ROBO2: variants seen among roughly 807,000 people sequenced by gnomAD.
ROBO2 encodes the protein roundabout homolog 2.
In ROBO2, 53 loss-of-function variants were observed where a neutral mutation model predicts 160.8. The observed-to-expected ratio is 0.33, with a 90% CI of 0.26 to 0.41. The LOEUF (loss-of-function observed/expected upper bound fraction) is 0.41, where lower values mean the gene tolerates loss of function less well. ROBO2 is among the 10% of genes least tolerant of loss of function. The probability of loss-of-function intolerance (pLI) is 1.00; values close to 1 mark genes in which losing one functional copy is unlikely to be tolerated. For missense variants in ROBO2, 1,577 were observed against 1,722.4 expected, an observed-to-expected ratio of 0.92 and a Z score of 1.49; for synonymous variants, 664 against 611.7, an observed-to-expected ratio of 1.09 and a Z score of -1.26.
intron 2 of ROBO2, among the ~76,000 whole-genome samples, chr3:76,720,254 G>C (rs1418745414): frequency 2.6e-5 from 4 of 152,086 alleles, no homozygotes; most frequent in Non-Finnish European, 5.9e-5. Flanking sequence ...CTAGCATCTT[G>C]ATCTTGAATT....
At chr3:76,757,425 T>C (rs1285726936) in intron 2 of ROBO2, among the ~76,000 whole-genome samples, 2 of 151,862 alleles carry the variant, frequency 1.3e-5, no homozygotes, top group African/African-American at 4.8e-5. Flanking sequence ...GCCTCTTCCA[T>C]GTTTGAGTTA....
At chr3:76,048,470 T>C (rs2067524099) in intron 2 of ROBO2, among the ~76,000 whole-genome samples, 1 of 152,340 alleles carries the variant, frequency 6.6e-6, no homozygotes, top group Middle Eastern at 3.4e-3. Context: ...AATGAGTTTG[T>C]ACATAAACTG....
intron 2 of ROBO2, among the ~76,000 whole-genome samples, chr3:76,869,467 A>G (rs866721604): frequency 3.0e-4 from 44 of 145,860 alleles, no homozygotes; most frequent in African/African-American, 1.1e-3. Context: ...CTCCTGCCTC[A>G]GCCTCCCGAG....
intron 2 of ROBO2, among the ~76,000 whole-genome samples, chr3:76,941,592 C>G (rs1182375498): frequency 6.6e-6 from 1 of 152,136 alleles, no homozygotes; most frequent in Non-Finnish European, 1.5e-5. Flanking sequence ...TTATTACGTA[C>G]CAATCATCGG....
chr3:76,334,101 C>G (rs926590371), intron 2 of ROBO2, among the ~76,000 whole-genome samples: 1 of 152,058 alleles, frequency 6.6e-6, no homozygotes, highest in African/African-American at 2.4e-5. Flanking sequence ...TGTAACAAAC[C>G]TGCACGTTGT....
intron 1 of ROBO2, among the ~76,000 whole-genome samples, chr3:77,097,168 C>T (rs1381070911): frequency 1.3e-5 from 2 of 152,158 alleles, no homozygotes; most frequent in Non-Finnish European, 2.9e-5. Flanking sequence ...GTATCAGCTT[C>T]CTTCCTGATT....
intron 2 of ROBO2, among the ~76,000 whole-genome samples, chr3:77,452,693 G>A (rs567521015): frequency 1.3e-5 from 2 of 152,198 alleles, no homozygotes; most frequent in East Asian, 1.9e-4. Flanking sequence ...ACTAGATCCA[G>A]CTTACAAGTG....
At chr3:76,979,938 A>G (rs2060010305) in intron 2 of ROBO2, among the ~76,000 whole-genome samples, 1 of 151,154 alleles carries the variant, frequency 6.6e-6, no homozygotes, top group South Asian at 2.1e-4. Context: ...AAAACCTGAT[A>G]TAGAGACTTG....
chr3:76,232,963 A>T (rs145240333), intron 2 of ROBO2, among the ~76,000 whole-genome samples: 1 of 152,132 alleles, frequency 6.6e-6, no homozygotes, highest in African/African-American at 2.4e-5. Context: ...TCGCACCGTC[A>T]CTCTCTTTCT....
At chr3:76,429,457 G>A (rs1641112288) in intron 2 of ROBO2, among the ~76,000 whole-genome samples, 1 of 152,114 alleles carries the variant, frequency 6.6e-6, no homozygotes, top group African/African-American at 2.4e-5. Context: ...AAGCTTTTAT[G>A]GCTTTGTGAA....
chr3:77,628,491 T>C (rs568335435), intron 23 of ROBO2, among the ~76,000 whole-genome samples: 36 of 152,206 alleles, frequency 2.4e-4, no homozygotes, highest in Non-Finnish European at 3.2e-4. Context: ...CTCATTGCTC[T>C]TGTTTAAATC....
At chr3:76,887,528 G>T (rs2074001191) in intron 2 of ROBO2, among the ~76,000 whole-genome samples, 1 of 151,978 alleles carries the variant, frequency 6.6e-6, no homozygotes, top group South Asian at 2.1e-4. Flanking sequence ...TGTAATGTGG[G>T]GAAGGGCAGG....
chr3:76,566,762 G>GA (rs1026379682), intron 2 of ROBO2, among the ~76,000 whole-genome samples: 2 of 151,782 alleles, frequency 1.3e-5, no homozygotes, highest in Non-Finnish European at 2.9e-5. Context: ...AAGAAGAAAG[G>GA]AAAAAGAGAG....
intron 2 of ROBO2, among the ~76,000 whole-genome samples, chr3:76,148,242 C>T (rs769005687): frequency 2.6e-5 from 4 of 151,770 alleles, no homozygotes; most frequent in Non-Finnish European, 2.9e-5. Flanking sequence ...TAAAATAAAC[C>T]AACTCTCAAC....
chr3:76,029,322 C>A (rs2066842980), intron 2 of ROBO2, among the ~76,000 whole-genome samples: 1 of 151,806 alleles, frequency 6.6e-6, no homozygotes, highest in Non-Finnish European at 1.5e-5. Context: ...ATATTAATGT[C>A]TCCTAAATAT....
chr3:76,772,883 T>C (rs1333459523), intron 2 of ROBO2, among the ~76,000 whole-genome samples: 2 of 151,170 alleles, frequency 1.3e-5, no homozygotes, highest in Non-Finnish European at 3.0e-5. Context: ...GGAGCAGTAA[T>C]GGAATGAGAG....
chr3:77,455,235 A>G (rs1418827255), intron 2 of ROBO2, among the ~76,000 whole-genome samples: 2 of 152,234 alleles, frequency 1.3e-5, no homozygotes, highest in African/African-American at 4.8e-5. Flanking sequence ...TTTGAGAAGG[A>G]AATACTGAAT....
At chr3:77,521,370 C>G (rs750059309) in intron 5 of ROBO2, among the ~76,000 whole-genome samples, 1 of 151,150 alleles carries the variant, frequency 6.6e-6, no homozygotes, top group Admixed American at 6.6e-5. Flanking sequence ...GTGAAGCAGA[C>G]AAGATGTCTG....
chr3:75,997,661 T>A (rs1163091025), intron 2 of ROBO2, among the ~76,000 whole-genome samples: 1 of 151,984 alleles, frequency 6.6e-6, no homozygotes, highest in Non-Finnish European at 1.5e-5. Flanking sequence ...CTGGCTAATT[T>A]TTTGTGTGTT....
Sources: gnomAD v4.1 joint callset for allele counts (sites outside exome capture counted in the v4.1 genomes callset) on GRCh38, gnomAD v4.1.1 for gene constraint, MANE v1.5 for transcripts, NCBI Gene and HGNC (gene_info 2026-07-23, HGNC 2026-07-21) for gene names.